Variants in RBFOX1 observed in about 807,000 individuals in gnomAD.
RBFOX1 encodes the protein RNA binding protein fox-1 homolog 1.
Under a neutral mutation model 57.7 loss-of-function variants are expected in RBFOX1, and 8 were observed. The observed-to-expected ratio is 0.14, with a 90% CI of 0.08 to 0.25. RBFOX1 has a LOEUF of 0.25. Ranked by LOEUF, RBFOX1 falls within the 10% of genes least tolerant of loss-of-function variation. The pLI, the probability that RBFOX1 is intolerant of heterozygous loss-of-function variation, is 1.00. For synonymous variants in RBFOX1, 326 were observed against 222.4 expected, an observed-to-expected ratio of 1.47 and a Z score of -4.15; for missense variants, 611 against 548.5, an observed-to-expected ratio of 1.11 and a Z score of -1.14.
chr16:5,682,721 T>C (rs190613991), intron 3 of RBFOX1, among the ~76,000 whole-genome samples: 126 of 152,328 alleles, frequency 8.3e-4, no homozygotes, highest in Non-Finnish European at 1.6e-3. Context: ...AACAACACTA[T>C]GTTGAAAGAG....
chr16:5,513,175 G>T (rs1050110105), intron 2 of RBFOX1, among the ~76,000 whole-genome samples: 8 of 152,152 alleles, frequency 5.3e-5, no homozygotes, highest in African/African-American at 1.9e-4. Context: ...GCTTCCCAAA[G>T]TGCTGGGATT....
chr16:7,073,267 C>T (rs532275405), intron 4 of RBFOX1, among the ~76,000 whole-genome samples: 1 of 152,194 alleles, frequency 6.6e-6, no homozygotes, highest in Non-Finnish European at 1.5e-5. Context: ...CCTGCAAAGC[C>T]TAAAATTTCT....
At chr16:5,738,498 GT>G (rs886536721) in intron 3 of RBFOX1, among the ~76,000 whole-genome samples, 2 of 151,896 alleles carry the variant, frequency 1.3e-5, no homozygotes, top group African/African-American at 4.8e-5. Context: ...GCTGGTCGTG[GT>G]GGTGCACGTC....
intron 3 of RBFOX1, among the ~76,000 whole-genome samples, chr16:6,890,855 C>T (rs1047615437): frequency 1.5e-4 from 23 of 152,140 alleles, no homozygotes; most frequent in African/African-American, 4.8e-5. Flanking sequence ...TTAGCAGACT[C>T]AGTAGAACTC....
chr16:6,613,126 C>T (rs145680233), intron 2 of RBFOX1, among the ~76,000 whole-genome samples: 330 of 151,928 alleles, frequency 2.2e-3, no homozygotes, highest in African/African-American at 7.6e-3. Flanking sequence ...TTTGCACTCG[C>T]GGTGCATGTG....
Position 6,883,836 on chromosome 16 carries a change from C to G in RBFOX1, c.-15-168221C>G, listed in dbSNP as rs1006403652. Reference sequence around the variant, plus strand: ...CTCTATTATTATCTCTTTTTTCCCCCTAGGAATTAATGTCCTTTGTAGTAG... The same window carrying G: ...CTCTATTATTATCTCTTTTTTCCCCGTAGGAATTAATGTCCTTTGTAGTAG... On this transcript the variant is annotated intron_variant, in intron 3 of 15. Transcript: ENST00000550418. Among the ~76,000 whole-genome samples, 8 of 151,430 alleles carry G rather than the reference C, an allele frequency of 5.3e-5. No homozygotes were observed. In the South Asian group the frequency reaches 1.3e-3, roughly 24 times the overall value.
At chr16:6,911,157 G>A (rs2071481052) in intron 3 of RBFOX1, among the ~76,000 whole-genome samples, 1 of 149,668 alleles carries the variant, frequency 6.7e-6, no homozygotes, top group South Asian at 2.1e-4. Flanking sequence ...GCCGATAATC[G>A]CACCATTGCA....
At chr16:5,367,624 C>G (rs145076380) in intron 1 of RBFOX1, among the ~76,000 whole-genome samples, 26 of 152,336 alleles carry the variant, frequency 1.7e-4, no homozygotes, top group African/African-American at 6.3e-4. Context: ...GCAGCTCTAG[C>G]TTAACATTTA....
chr16:5,840,984 A>T (rs955679887), intron 3 of RBFOX1, among the ~76,000 whole-genome samples: 3 of 152,168 alleles, frequency 2.0e-5, no homozygotes, highest in Non-Finnish European at 4.4e-5. Flanking sequence ...CAATACTCCT[A>T]CAACAGGGGA....
At chr16:7,542,380 C>T (rs2083184945) in intron 5 of RBFOX1, among the ~76,000 whole-genome samples, 1 of 152,160 alleles carries the variant, frequency 6.6e-6, no homozygotes, top group Admixed American at 6.5e-5. Context: ...CACCCCACCT[C>T]TTCTGGATTA....
chr16:6,295,498 T>G (rs1385450388), intron 1 of RBFOX1, among the ~76,000 whole-genome samples: 1 of 152,172 alleles, frequency 6.6e-6, no homozygotes, highest in Non-Finnish European at 1.5e-5. Context: ...TATTACCAAG[T>G]TTTACTCTCT....
At chr16:5,990,108 C>G (rs1567227592) in intron 4 of RBFOX1, among the ~76,000 whole-genome samples, 1 of 152,154 alleles carries the variant, frequency 6.6e-6, no homozygotes, top group Admixed American at 6.5e-5. Flanking sequence ...TCCTCAGCCT[C>G]TGGAGTAGCT....
intron 3 of RBFOX1, among the ~76,000 whole-genome samples, chr16:6,817,295 C>T (rs932989381): frequency 6.6e-6 from 1 of 152,110 alleles, no homozygotes; most frequent in Non-Finnish European, 1.5e-5. Flanking sequence ...TAGCTTCAAA[C>T]ACATTTAACC....
chr16:7,103,600 T>C (rs2063074790), intron 4 of RBFOX1, among the ~76,000 whole-genome samples: 1 of 152,204 alleles, frequency 6.6e-6, no homozygotes, highest in African/African-American at 2.4e-5. Context: ...AAGTGATTAG[T>C]TTGAATGATT....
intron 4 of RBFOX1, among the ~76,000 whole-genome samples, chr16:7,292,928 A>T (rs1265514280): frequency 1.3e-5 from 2 of 152,124 alleles, no homozygotes; most frequent in African/African-American, 4.8e-5. Context: ...GCTTTTAAGG[A>T]GCAGGAAACA....
chr16:5,647,181 G>A (rs1270913301), intron 3 of RBFOX1, among the ~76,000 whole-genome samples: 1 of 152,188 alleles, frequency 6.6e-6, no homozygotes, highest in East Asian at 1.9e-4. Context: ...TGGGTGGCAT[G>A]TGCACCGTTT....
intron 2 of RBFOX1, among the ~76,000 whole-genome samples, chr16:6,458,356 T>C (rs2094827974): frequency 6.6e-6 from 1 of 152,212 alleles, no homozygotes; most frequent in South Asian, 2.1e-4. Flanking sequence ...GAAAAGACAC[T>C]TAATGCCTCT....
At chr16:5,663,578 G>A (rs929799454) in intron 3 of RBFOX1, among the ~76,000 whole-genome samples, 1 of 152,162 alleles carries the variant, frequency 6.6e-6, no homozygotes, top group East Asian at 1.9e-4. Flanking sequence ...TGCAGGGGGT[G>A]CAATCCCATA....
chr16:5,657,733 TTTTC>T (rs1475727407), intron 3 of RBFOX1, among the ~76,000 whole-genome samples: 4 of 20,584 alleles, frequency 1.9e-4, no homozygotes, highest in Non-Finnish European at 7.5e-4. Flanking sequence ...GTTTCTTTTC[TTTTC>T]TTTTTTTTTT....
Sources: gnomAD v4.1 joint callset for allele counts (sites outside exome capture counted in the v4.1 genomes callset) on GRCh38, gnomAD v4.1.1 for gene constraint, MANE v1.5 for transcripts, NCBI Gene and HGNC (gene_info 2026-07-23, HGNC 2026-07-21) for gene names.